Variants in AHNAK observed in about 807,000 individuals in gnomAD.
AHNAK encodes the protein neuroblast differentiation-associated protein AHNAK.
A neutral mutation model predicts 37.8 loss-of-function variants in AHNAK; 23 were observed. That is an observed-to-expected ratio of 0.61 (90% CI 0.44 to 0.86). AHNAK has a LOEUF of 0.86. Ranked by LOEUF, AHNAK falls within the 40% of genes least tolerant of loss-of-function variation. AHNAK has a pLI of 0.00. For synonymous variants in AHNAK, 2,481 were observed against 2,636.3 expected (o/e 0.94, Z 1.80); for missense variants, 7,411 against 7,319.4 (o/e 1.01, Z -0.46).
In AHNAK at chr11:62,542,939, C is replaced by A. The variant is rs545637697; in HGVS notation, c.-100+3721G>T. Among the ~76,000 whole-genome samples, 31 of 152,320 alleles carry A rather than the reference C, an allele frequency of 2.0e-4. No individual in the cohort carries two copies. The South Asian group carries it at 2.7e-3, about 13-fold the overall frequency. Reference sequence around the variant, plus strand: ...GGGAGGGCGCTGCTTGCTCTCCCCCCAGCGGTCGGACCACGCTACTGCAGG... The same window carrying A: ...GGGAGGGCGCTGCTTGCTCTCCCCCAAGCGGTCGGACCACGCTACTGCAGG... On this transcript the variant is annotated intron_variant, in intron 1 of 4. Coordinates refer to ENST00000378024, the MANE Select transcript of AHNAK (RefSeq NM_001620.3).
intron 5 of AHNAK, among the ~76,000 whole-genome samples, chr11:62,454,017 G>C (rs534420070): frequency 6.6e-6 from 1 of 152,004 alleles, no homozygotes; most frequent in South Asian, 2.1e-4. Context: ...TGAGGCAGGA[G>C]AATCTGTTGA....
chr11:62,543,970 C>CT (rs1429934664), intron 1 of AHNAK, among the ~76,000 whole-genome samples: 1 of 152,146 alleles, frequency 6.6e-6, no homozygotes, highest in African/African-American at 2.4e-5. Flanking sequence ...CCCGGTCTGT[C>CT]TCTCTGTCTG....
exon 6 of AHNAK, chr11:62,433,646 T>C (rs922832099): frequency 1.7e-6 from 1 of 595,604 alleles, no homozygotes; most frequent in Non-Finnish European, 3.0e-6. Flanking sequence ...CCACACTCTG[T>C]CCCCTTGCAA....
At chr11:62,537,041 C>T (rs1940972287) in intron 1 of AHNAK, among the ~76,000 whole-genome samples, 1 of 151,388 alleles carries the variant, frequency 6.6e-6, no homozygotes, top group Admixed American at 6.6e-5. Context: ...GCAAGCTCCA[C>T]CTCCCGGGTT....
intron 5 of AHNAK, among the ~76,000 whole-genome samples, chr11:62,438,299 C>G (rs192795823): frequency 1.3e-5 from 2 of 150,332 alleles, no homozygotes; most frequent in African/African-American, 2.5e-5. Context: ...TCTCCTGCCT[C>G]GGACTCCCGA....
At chr11:62,446,443 G>A (rs550177914) in intron 5 of AHNAK, among the ~76,000 whole-genome samples, 5 of 152,258 alleles carry the variant, frequency 3.3e-5, no homozygotes, top group East Asian at 1.9e-4. Context: ...GGTTCCGTTC[G>A]TCCAAACAAG....
At position 62,526,289 on chromosome 11, in the gene AHNAK, G is replaced by A; in HGVS notation, c.8128C>T (p.Pro2710Ser). ...MNIKAPKISM[P>S]DIDLNLKGPK... ...CCTTTCAGGTTTAAGTCAATATCAG[G>A]CATGGAGATCTTGGGGGCTTTGATA... The change falls in exon 5 of 5, where the codon CCT becomes TCT. Residue 2710 changes from proline to serine, a missense_variant. By Grantham distance (74) the Pro-to-Ser change is moderately conservative (BLOSUM62 -1). Transcript: ENST00000378024. 1 of 1,613,802 alleles carries A rather than the reference G, an allele frequency of 6.2e-7. No homozygotes were observed. Among genetic ancestry groups the A allele is most frequent in the Non-Finnish European group, 8.5e-7 (1 of 1,179,986 alleles).
rs759980251 is a variant in AHNAK at position 62,525,380 on chromosome 11, C to T, written c.9037G>A (p.Val3013Ile). 30 of 1,612,858 alleles carry T rather than the reference C, an allele frequency of 1.9e-5. No homozygotes were observed. The highest frequency in any genetic ancestry group is 6.7e-5 in the Admixed American group (4 of 59,842). The change falls in exon 5 of 5, where the codon GTT (valine) becomes ATT (isoleucine). Residue 3013 changes from valine to isoleucine, a missense_variant. Coordinates refer to ENST00000378024, the MANE Select transcript of AHNAK (RefSeq NM_001620.3). ...TTTAGGTGCCAGTCTGGGCCTTGAACGCCCACATCCGGGACATCAATGTCC... is the reference window on the plus strand; with the variant it reads ...TTTAGGTGCCAGTCTGGGCCTTGAATGCCCACATCCGGGACATCAATGTCC... ...QVDIDVPDVG[V>I]QGPDWHLKMP... is the part of the protein sequence containing the mutation.
intron 5 of AHNAK, among the ~76,000 whole-genome samples, chr11:62,445,600 T>G (rs1938407432): frequency 6.6e-6 from 1 of 152,142 alleles, no homozygotes; most frequent in South Asian, 2.1e-4. Context: ...AGGCCTGTAA[T>G]CCCAGCACTT....
chr11:62,538,745 A>G (rs747534800), intron 1 of AHNAK, among the ~76,000 whole-genome samples: 2 of 152,234 alleles, frequency 1.3e-5, no homozygotes, highest in Non-Finnish European at 2.9e-5. Flanking sequence ...CCTGTCACAG[A>G]TACATATGAT....
rs1441160898 is a variant in AHNAK at position 62,535,948 on chromosome 11, C to G, written c.151G>C (p.Glu51Gln). ...SPAARTGVVKEGDQIVGATIY... is the reference protein window; with the variant it reads ...SPAARTGVVKQGDQIVGATIY... Reference sequence around the variant, plus strand: ...TCCACACCCTGGGGTGACTCACCCTCCTTGACCACCCCAGTGCGGGCCGCA... The same window carrying G: ...TCCACACCCTGGGGTGACTCACCCTGCTTGACCACCCCAGTGCGGGCCGCA... The change falls in exon 3 of 5, where the codon GAG (glutamate) becomes CAG (glutamine). Residue 51 changes from glutamate (E) to glutamine (Q), a missense_variant. Transcript: ENST00000378024. 1 of 1,610,178 alleles carries G rather than the reference C, an allele frequency of 6.2e-7. No individual in the cohort carries two copies. Among genetic ancestry groups the G allele is most frequent in the African/African-American group, 1.3e-5 (1 of 74,836 alleles).
intron 1 of AHNAK, among the ~76,000 whole-genome samples, chr11:62,543,222 C>A (rs943042452): frequency 1.3e-5 from 2 of 152,212 alleles, no homozygotes; most frequent in South Asian, 4.1e-4. Flanking sequence ...ACTGCGCGTG[C>A]GGACATGTCC....
At position 62,517,801 on chromosome 11, in the gene AHNAK, G is replaced by A; in HGVS notation, c.16616C>T (p.Pro5539Leu). ...GGCAGGCCCCTTCACACTGATATCA[G>A]GAGCAGCCCCATGGAAACCTACTTC... The part of the protein sequence containing the change: ...GSEVGFHGAA[P>L]DISVKGPAFN... The change falls in exon 5 of 5, where the codon CCT becomes CTT. Residue 5539 changes from proline to leucine, a missense_variant. Physicochemically the swap from Pro to Leu is moderately conservative, Grantham distance 98 (BLOSUM62 -3). Transcript: ENST00000378024. 1 of 1,614,206 alleles carries A rather than the reference G, an allele frequency of 6.2e-7. No individual in the cohort carries two copies. Among genetic ancestry groups the A allele is most frequent in the Non-Finnish European group, 8.5e-7 (1 of 1,180,032 alleles).
intron 5 of AHNAK, among the ~76,000 whole-genome samples, chr11:62,483,683 C>T (rs1939324099): frequency 1.3e-5 from 2 of 151,768 alleles, no homozygotes; most frequent in Admixed American, 1.3e-4. Flanking sequence ...ACGGTGAAAC[C>T]CTGTCTCTAC....
chr11:62,486,929 T>C (rs1939407613), intron 5 of AHNAK, among the ~76,000 whole-genome samples: 1 of 151,060 alleles, frequency 6.6e-6, no homozygotes, highest in Non-Finnish European at 1.5e-5. Context: ...CAAGAGGGCT[T>C]CAGAATAGAG....
chr11:62,477,776 T>G (rs1443919899), intron 5 of AHNAK, among the ~76,000 whole-genome samples: 2 of 150,512 alleles, frequency 1.3e-5, no homozygotes, highest in Non-Finnish European at 3.0e-5. Flanking sequence ...CACTCCAGCC[T>G]AGGCAAAAGA....
At position 62,519,610 on chromosome 11, in the gene AHNAK, T is replaced by A; in HGVS notation, c.14807A>T (p.Lys4936Met). The A allele has an allele frequency of 6.2e-7, 1 of 1,613,754 alleles. No individual in the cohort carries two copies. The highest frequency in any genetic ancestry group is 8.5e-7 in the Non-Finnish European group (1 of 1,179,906). ...GAGGTCCACTTCACCACCTTCTAAC[T>A]TCGGACCTGAAAATCCAATTTTTGG... is the stretch of plus-strand genomic sequence containing the variant. ...KAPKIGFSGPKLEGGEVDLKG... is the reference protein window; with the variant it reads ...KAPKIGFSGPMLEGGEVDLKG... The change falls in exon 5 of 5, where the codon AAG becomes ATG. Residue 4936 changes from lysine (K) to methionine (M), a missense_variant. Lys to Met is a moderately conservative substitution (Grantham distance 95, BLOSUM62 -1). Transcript: ENST00000378024.
chr11:62,526,341 C>T lies in AHNAK; in HGVS notation c.8076G>A (p.Gly2692=), dbSNP rs779961267. The change falls in exon 5 of 5, where the codon GGG becomes GGA. Residue 2692 remains glycine (G), a synonymous_variant. Transcript: ENST00000378024. ...TCATCTCTGGCATCTTGAACTTAGGCCCTTTCAACTTTCCCTCTGGTCCTT... is the reference window on the plus strand; with the variant it reads ...TCATCTCTGGCATCTTGAACTTAGGTCCTTTCAACTTTCCCTCTGGTCCTT... The part of the protein sequence containing the change: ...NIEGPEGKLK[G]PKFKMPEMNI... The T allele has an allele frequency of 6.2e-7, 1 of 1,611,910 alleles. No individual in the cohort carries two copies. Among genetic ancestry groups the T allele is most frequent in the African/African-American group, 1.3e-5 (1 of 74,192 alleles).
At chr11:62,444,995 G>T (rs1253165714) in intron 5 of AHNAK, among the ~76,000 whole-genome samples, 1 of 152,174 alleles carries the variant, frequency 6.6e-6, no homozygotes, top group African/African-American at 2.4e-5. Flanking sequence ...AACAACACAG[G>T]AGACGTGCAT....
Sources: allele counts gnomAD v4.1 joint callset (sites outside exome capture counted in the v4.1 genomes callset), GRCh38; gene constraint gnomAD v4.1.1; transcripts MANE v1.5; gene names NCBI Gene and HGNC (gene_info 2026-07-23, HGNC 2026-07-21).